Variants in FERMT2 observed in about 807,000 individuals in gnomAD.
The protein encoded by FERMT2 is fermitin family homolog 2.
FERMT2 carries 15 observed loss-of-function variants against 82.7 expected under a neutral mutation model. The ratio of observed to expected loss-of-function variants is 0.18; its 90% confidence interval spans 0.12 to 0.28. The LOEUF (loss-of-function observed/expected upper bound fraction) is 0.28, where lower values mean the gene tolerates loss of function less well. Among genes scored for constraint, FERMT2 ranks in the 10% least tolerant of loss-of-function variants. The pLI, the probability that FERMT2 is intolerant of heterozygous loss-of-function variation, is 1.00. For synonymous variants in FERMT2, 274 were observed against 271.5 expected, an observed-to-expected ratio of 1.01 and a Z score of -0.09; for missense variants, 645 against 809.4, an observed-to-expected ratio of 0.80 and a Z score of 2.46.
intron 4 of FERMT2, among the ~76,000 whole-genome samples, chr14:52,888,700 T>C (rs1284779577): frequency 1.3e-5 from 2 of 152,190 alleles, no homozygotes; most frequent in Non-Finnish European, 2.9e-5. Context: ...ACCTATGGTT[T>C]CCAGGCAACA....
chr14:52,935,413 C>T (rs1249133614), intron 2 of FERMT2, among the ~76,000 whole-genome samples: 1 of 152,124 alleles, frequency 6.6e-6, no homozygotes, highest in Non-Finnish European at 1.5e-5. Context: ...AAATCCTAAT[C>T]CCCAATATGA....
chr14:52,948,928 A>G (rs1388758445), intron 2 of FERMT2, among the ~76,000 whole-genome samples: 1 of 152,194 alleles, frequency 6.6e-6, no homozygotes, highest in East Asian at 1.9e-4. Context: ...AAATATCCAA[A>G]TATTTGCTAT....
chr14:52,882,020 G>T (rs577406406), intron 4 of FERMT2, among the ~76,000 whole-genome samples: 2 of 151,920 alleles, frequency 1.3e-5, no homozygotes, highest in Non-Finnish European at 2.9e-5. Flanking sequence ...AAGTAAAACG[G>T]TTTTTTTTGT....
intron 2 of FERMT2, among the ~76,000 whole-genome samples, chr14:52,923,200 G>T (rs537845021): frequency 7.3e-6 from 1 of 137,276 alleles, no homozygotes; most frequent in South Asian, 2.5e-4. Context: ...TTAACTGGTG[G>T]GGGTTGGGGG....
At chr14:52,894,165 T>C (rs1283407017) in intron 3 of FERMT2, among the ~76,000 whole-genome samples, 1 of 152,198 alleles carries the variant, frequency 6.6e-6, no homozygotes, top group Admixed American at 6.5e-5. Context: ...TATTCTGCCC[T>C]GTATCAAATG....
chr14:52,926,267 T>C (rs745549648), intron 2 of FERMT2, among the ~76,000 whole-genome samples: 38 of 152,204 alleles, frequency 2.5e-4, no homozygotes, highest in Non-Finnish European at 4.4e-4. Flanking sequence ...TTCCCTGAAT[T>C]TGCATAAACT....
chr14:52,872,676 G>A (rs1011325105), intron 10 of FERMT2, 123 bp downstream of exon 10: 63 of 913,342 alleles, frequency 6.9e-5, no homozygotes, highest in Non-Finnish European at 1.3e-5. Context: ...CATTTTTCAA[G>A]TACCCAAAGG....
intron 2 of FERMT2, among the ~76,000 whole-genome samples, chr14:52,936,470 G>A (rs1199538523): frequency 6.6e-6 from 1 of 152,058 alleles, no homozygotes; most frequent in Non-Finnish European, 1.5e-5. Context: ...ACAGCTCTGG[G>A]GATAATGCTA....
At chr14:52,918,284 A>T (rs188594990) in intron 3 of FERMT2, among the ~76,000 whole-genome samples, 22 of 151,976 alleles carry the variant, frequency 1.4e-4, no homozygotes, top group East Asian at 5.8e-4. Flanking sequence ...CCTATTTATT[A>T]AAAAAAATCC....
At chr14:52,881,185 A>T in intron 5 of FERMT2, 47 bp from the exon 6 acceptor site, 3 of 1,593,094 alleles carry the variant, frequency 1.9e-6, no homozygotes, top group Non-Finnish European at 1.7e-6. Flanking sequence ...GAATGAAGAC[A>T]ATATTTCTAC....
chr14:52,893,464 A>G (rs748914199), intron 3 of FERMT2, 37 bp from the exon 4 acceptor site: 5 of 1,480,948 alleles, frequency 3.4e-6, no homozygotes, highest in Non-Finnish European at 4.6e-6. Flanking sequence ...AGAACAAAGG[A>G]AAATTTAAAC....
intron 2 of FERMT2, among the ~76,000 whole-genome samples, chr14:52,944,790 C>T (rs1331146695): frequency 6.6e-6 from 1 of 152,200 alleles, no homozygotes; most frequent in African/African-American, 2.4e-5. Context: ...TAACATGCAA[C>T]TCCAACATAA....
At chr14:52,922,691 A>G (rs1046011262) in intron 2 of FERMT2, among the ~76,000 whole-genome samples, 1 of 152,230 alleles carries the variant, frequency 6.6e-6, no homozygotes, top group African/African-American at 2.4e-5. Flanking sequence ...AAGAATTTTT[A>G]TAATGTGAGG....
At chr14:52,937,093 T>G (rs1037524881) in intron 2 of FERMT2, among the ~76,000 whole-genome samples, 9 of 151,856 alleles carry the variant, frequency 5.9e-5, no homozygotes, top group African/African-American at 1.9e-4. Flanking sequence ...ACCCTGGAGG[T>G]GGAGGTTGCA....
At chr14:52,859,542 C>A in intron 14 of FERMT2, 31 bp downstream of exon 14, 1 of 1,560,436 alleles carries the variant, frequency 6.4e-7, no homozygotes. Flanking sequence ...CAGAGAAGGA[C>A]TATATTCAAG....
chr14:52,909,713 G>C lies in FERMT2; in HGVS notation c.391+9410C>G, dbSNP rs368609420. Among the ~76,000 whole-genome samples the C allele has an allele frequency of 2.2e-4, 34 of 151,776 alleles. No homozygotes were observed. The East Asian group carries it at 2.9e-3, about 13-fold the overall frequency. ...TGTGGCAGGAGAACTGCTTGAACCC[G>C]GGAGGTGGAGGCTGCAGTACAAAAA... On this transcript the variant is annotated intron_variant, in intron 3 of 14. Coordinates refer to ENST00000341590, the MANE Select transcript of FERMT2 (RefSeq NM_006832.3).
At chr14:52,868,777 G>T (rs373271872) in intron 10 of FERMT2, among the ~76,000 whole-genome samples, 6 of 152,118 alleles carry the variant, frequency 3.9e-5, no homozygotes, top group African/African-American at 1.2e-4. Context: ...TTGACCCCAA[G>T]AGTTGGAGAT....
chr14:52,930,314 T>A (rs1235112186), intron 2 of FERMT2, among the ~76,000 whole-genome samples: 2 of 152,224 alleles, frequency 1.3e-5, no homozygotes, highest in African/African-American at 4.8e-5. Flanking sequence ...AGTCCACTTG[T>A]AAGTCTGAGA....
intron 10 of FERMT2, among the ~76,000 whole-genome samples, chr14:52,868,355 C>T (rs1035049453): frequency 1.3e-5 from 2 of 151,940 alleles, no homozygotes; most frequent in African/African-American, 2.4e-5. Context: ...TCTCCATCCC[C>T]GATGAAGTCT....
Sources: allele counts gnomAD v4.1 joint callset (sites outside exome capture counted in the v4.1 genomes callset), GRCh38; gene constraint gnomAD v4.1.1; transcripts MANE v1.5; gene names NCBI Gene and HGNC (gene_info 2026-07-23, HGNC 2026-07-21).